PTCD2: variants seen among roughly 807,000 people sequenced by gnomAD.
PTCD2 encodes the protein pentatricopeptide repeat domain 2.
Under a neutral mutation model 42.6 loss-of-function variants are expected in PTCD2, and 31 were observed. The observed-to-expected ratio is 0.73, with a 90% confidence interval of 0.55 to 0.98. The LOEUF (loss-of-function observed/expected upper bound fraction) is 0.98, where lower values mean the gene tolerates loss of function less well. Among genes scored for constraint, PTCD2 ranks in the 50% least tolerant of loss-of-function variants. The probability of loss-of-function intolerance (pLI) is 0.00; values close to 1 mark genes in which losing one functional copy is unlikely to be tolerated. For synonymous variants in PTCD2, 183 were observed against 170.9 expected, an observed-to-expected ratio of 1.07 and a Z score of -0.55; for missense variants, 476 against 454.8, an observed-to-expected ratio of 1.05 and a Z score of -0.42.
rs753601272 is a variant in PTCD2, at chr5:72,343,041, G to C, written c.828+5G>C. 1.3e-6 allele frequency: 2 copies of C among 1,524,826 alleles called. No individual in the cohort carries two copies. Among genetic ancestry groups the C allele is most frequent in the South Asian group, 2.4e-5 (2 of 83,638 alleles). The allele number at this position is 1,524,826 out of a possible 1,614,324, so 94.5% of individuals were successfully genotyped here. Reference sequence around the variant, plus strand: ...ATAGCCTGCATTAATTTAAATGTAAGTGATTTCTTTATGGTTTAAGGTAAG... The same window carrying C: ...ATAGCCTGCATTAATTTAAATGTAACTGATTTCTTTATGGTTTAAGGTAAG... On this transcript the variant is annotated splice_donor_5th_base_variant and intron_variant, in intron 8 of 9. Transcript: ENST00000380639.
In PTCD2 at chr5:72,358,734, C is replaced by T. The variant is rs939289192; in HGVS notation, c.*307C>T. Reference sequence around the variant, plus strand: ...CACCAGAGTGGAACCCAGTAAGCACCATCAGGAATGAATTTCACTACAAGT... The same window carrying T: ...CACCAGAGTGGAACCCAGTAAGCACTATCAGGAATGAATTTCACTACAAGT... On this transcript the variant is annotated 3_prime_UTR_variant, in exon 10 of 10. Coordinates refer to ENST00000380639, the MANE Select transcript of PTCD2 (RefSeq NM_024754.5). The T allele has an allele frequency of 1.4e-5, 5 of 367,774 alleles. No individual in the cohort carries two copies. The highest frequency in any genetic ancestry group is 2.0e-5 in the African/African-American group (1 of 49,098). The allele number at this position is 367,774 out of a possible 1,614,324, so 22.8% of individuals were successfully genotyped here. A position where few individuals can be genotyped will look rare whatever the true frequency, so the allele number is the denominator to read the frequency against.
chr5:72,367,294 TGA>T lies in PTCD2; in HGVS notation c.*8872_*8873del, dbSNP rs562956337. ...ACTGGGGCTGGGATGGGGATTCTGA[TGA>T]GAGATATCCCTGACAGAGACCAGAG... is the stretch of plus-strand genomic sequence containing the variant. On this transcript the variant is annotated 3_prime_UTR_variant, in exon 10 of 10. Coordinates refer to ENST00000380639, the MANE Select transcript of PTCD2 (RefSeq NM_024754.5). The T allele has an allele frequency of 2.8e-4, 43 of 152,302 alleles. No individual in the cohort carries two copies. Among genetic ancestry groups the T allele is most frequent in the Admixed American group, 2.4e-3 (37 of 15,292 alleles). The allele number at this position is 152,302 out of a possible 1,614,324, so 9.4% of individuals were successfully genotyped here.
chr5:72,338,827 G>A, intron 7 of PTCD2, 92 bp downstream of exon 7: 2 of 684,634 alleles, frequency 2.9e-6, no homozygotes, highest in Non-Finnish European at 5.0e-6. Flanking sequence ...CCTTCTGACT[G>A]CATCGTAAAG....
intron 7 of PTCD2, among the ~76,000 whole-genome samples, chr5:72,341,472 C>T (rs1056993181): frequency 1.3e-5 from 2 of 152,164 alleles, no homozygotes; most frequent in Admixed American, 6.5e-5. Context: ...AACACTGTGG[C>T]TCCTGCGTGT....
chr5:72,364,144 C>T lies in PTCD2; in HGVS notation c.*5717C>T, dbSNP rs1328160350. 6.6e-6 allele frequency: 1 copy of T among 152,192 alleles called. No individual in the cohort carries two copies. Among genetic ancestry groups the T allele is most frequent in the African/African-American group, 2.4e-5 (1 of 41,450 alleles). 9.4% of individuals were successfully genotyped at this position (152,192 alleles called of 1,614,324 possible). ...CAAGGAATTACATTGGCTTAAATGG[C>T]ATTAGCTCAAAAAAGTGTTCTCAAA... On this transcript the variant is annotated 3_prime_UTR_variant, in exon 10 of 10. Transcript: ENST00000380639.
Position 72,361,137 on chromosome 5 carries a change from G to C in PTCD2, c.*2710G>C, listed in dbSNP as rs994901162. ...TATGATGAGTTCAGCACAGTTACTA[G>C]AAGGAGACAAAAAGATATCTTCTTA... On this transcript the variant is annotated 3_prime_UTR_variant, in exon 10 of 10. Coordinates refer to ENST00000380639, the MANE Select transcript of PTCD2 (RefSeq NM_024754.5). 2.0e-5 allele frequency: 3 copies of C among 152,194 alleles called. No homozygotes were observed. The highest frequency in any genetic ancestry group is 4.4e-5 in the Non-Finnish European group (3 of 68,024). The allele number at this position is 152,194 out of a possible 1,614,324, so 9.4% of individuals were successfully genotyped here. A position where few individuals can be genotyped will look rare whatever the true frequency, so the allele number is the denominator to read the frequency against.
chr5:72,321,603 G>C (rs1335721873), intron 1 of PTCD2, among the ~76,000 whole-genome samples: 2 of 152,158 alleles, frequency 1.3e-5, no homozygotes, highest in Admixed American at 1.3e-4. Flanking sequence ...CCTAAAGAAA[G>C]GATGATGTTT....
In PTCD2 at chr5:72,358,497, C is replaced by T; in HGVS notation, c.*70C>T. 8.9e-7 allele frequency: 1 copy of T among 1,123,614 alleles called. No individual in the cohort carries two copies. The highest frequency in any genetic ancestry group is 1.5e-5 in the African/African-American group (1 of 65,016). 69.6% of individuals were successfully genotyped at this position (1,123,614 alleles called of 1,614,324 possible). A position where few individuals can be genotyped will look rare whatever the true frequency, so the allele number is the denominator to read the frequency against. ...TGAGTTATTACCTTTCCTAAGAAGC[C>T]AGGTATCGCACTTCAGCAGACAGTG... is the stretch of plus-strand genomic sequence containing the variant. On this transcript the variant is annotated 3_prime_UTR_variant, in exon 10 of 10. Coordinates refer to ENST00000380639, the MANE Select transcript of PTCD2 (RefSeq NM_024754.5).
chr5:72,336,314 C>T (rs1659927772), intron 6 of PTCD2, among the ~76,000 whole-genome samples: 1 of 152,136 alleles, frequency 6.6e-6, no homozygotes, highest in African/African-American at 2.4e-5. Context: ...TGTTTGTCAC[C>T]TCCAGATATC....
At position 72,334,966 on chromosome 5, in the gene PTCD2, C is replaced by T. The variant is rs188998432; in HGVS notation, c.469-52C>T. On this transcript the variant is annotated intron_variant, in intron 4 of 9. Transcript: ENST00000380639. ...AGATAAGAGACAGTAAAAGTACCTCCTCAATAAATAGTTTTAACTTTTAAC... is the reference window on the plus strand; with the variant it reads ...AGATAAGAGACAGTAAAAGTACCTCTTCAATAAATAGTTTTAACTTTTAAC... 1.3e-5 allele frequency: 15 copies of T among 1,124,958 alleles called. No individual in the cohort carries two copies. The East Asian group carries it at 3.1e-4, about 23-fold the overall frequency. 69.7% of individuals were successfully genotyped at this position (1,124,958 alleles called of 1,614,324 possible). A position where few individuals can be genotyped will look rare whatever the true frequency, so the allele number is the denominator to read the frequency against.
At chr5:72,357,662 A>T (rs1305681116) in intron 9 of PTCD2, among the ~76,000 whole-genome samples, 2 of 151,306 alleles carry the variant, frequency 1.3e-5, no homozygotes, top group African/African-American at 4.9e-5. Context: ...CTGGTATATG[A>T]CCTCCTTTAC....
chr5:72,368,048 C>T lies in PTCD2; in HGVS notation c.*9621C>T, dbSNP rs192837443. 4.6e-5 allele frequency: 7 copies of T among 152,218 alleles called. No homozygotes were observed. The highest frequency in any genetic ancestry group is 3.9e-4 in the Admixed American group (6 of 15,290). The allele number at this position is 152,218 out of a possible 1,614,324, so 9.4% of individuals were successfully genotyped here. On this transcript the variant is annotated 3_prime_UTR_variant, in exon 10 of 10. Coordinates refer to ENST00000380639, the MANE Select transcript of PTCD2 (RefSeq NM_024754.5). ...AGTATAAATCTTTTTTTCATATGGA[C>T]TATTTGGGTCTATTTTCAAAAATCC...
intron 7 of PTCD2, 68 bp from the exon 8 acceptor site, chr5:72,342,894 C>T: frequency 2.1e-6 from 2 of 974,186 alleles, no homozygotes; most frequent in Non-Finnish European, 3.1e-6. Context: ...ACTGCCCTCT[C>T]TAAGTGATCT....
chr5:72,357,005 A>G (rs1752906137), intron 9 of PTCD2, among the ~76,000 whole-genome samples: 1 of 152,242 alleles, frequency 6.6e-6, no homozygotes, highest in South Asian at 2.1e-4. Context: ...GATTTTATTC[A>G]GAAAGCAGCT....
chr5:72,357,077 C>G (rs578252845), intron 9 of PTCD2, among the ~76,000 whole-genome samples: 32 of 152,314 alleles, frequency 2.1e-4, no homozygotes, highest in Admixed American at 3.3e-4. Context: ...ACTTGTGACT[C>G]TACTACGTAT....
intron 8 of PTCD2, among the ~76,000 whole-genome samples, chr5:72,345,236 C>T (rs1455715768): frequency 6.6e-6 from 1 of 152,174 alleles, no homozygotes; most frequent in East Asian, 1.9e-4. Flanking sequence ...GATATTTCTC[C>T]AATTTCCTTT....
Position 72,359,391 on chromosome 5 carries a change from AC to A in PTCD2, c.*968del, listed in dbSNP as rs898516589. The A allele has an allele frequency of 2.0e-5, 3 of 152,134 alleles. No homozygotes were observed. Among genetic ancestry groups the A allele is most frequent in the Admixed American group, 6.5e-5 (1 of 15,272 alleles). 9.4% of individuals were successfully genotyped at this position (152,134 alleles called of 1,614,324 possible). ...ACCAGTGAGCAGAAGATACACAGTG[AC>A]CCCACCTCACTTGCTCCTTTTGTTT... On this transcript the variant is annotated 3_prime_UTR_variant, in exon 10 of 10. Coordinates refer to ENST00000380639, the MANE Select transcript of PTCD2 (RefSeq NM_024754.5).
At position 72,335,777 on chromosome 5, in the gene PTCD2, C is replaced by T; in HGVS notation, c.548-17C>T. 2.5e-6 allele frequency: 4 copies of T among 1,580,764 alleles called. No homozygotes were observed. The highest frequency in any genetic ancestry group is 3.5e-6 in the Non-Finnish European group (4 of 1,149,612). ...AGAGGAACTCTAACACTGCGATCCA[C>T]TCTTCACTTTTGGCAGGTGCTTTGC... On this transcript the variant is annotated splice_polypyrimidine_tract_variant and intron_variant, in intron 5 of 9. Transcript: ENST00000380639.
At chr5:72,339,676 A>G (rs555314060) in intron 7 of PTCD2, among the ~76,000 whole-genome samples, 4 of 141,116 alleles carry the variant, frequency 2.8e-5, no homozygotes, top group African/African-American at 1.2e-4. Context: ...CTTTGAAGGC[A>G]TGTGTTTTTC....
Sources: allele counts gnomAD v4.1 joint callset (sites outside exome capture counted in the v4.1 genomes callset), GRCh38; gene constraint gnomAD v4.1.1; transcripts MANE v1.5; gene names NCBI Gene and HGNC (gene_info 2026-07-23, HGNC 2026-07-21).